PARVB: variants seen among roughly 807,000 people sequenced by gnomAD.
PARVB encodes beta-parvin.
In PARVB, 46 loss-of-function variants were observed where a neutral mutation model predicts 47.0. The ratio of observed to expected loss-of-function variants is 0.98; its 90% CI spans 0.77 to 1.25. The LOEUF (loss-of-function observed/expected upper bound fraction) is 1.25, where lower values mean the gene tolerates loss of function less well. Ranked by LOEUF, PARVB falls within the 50% of genes most tolerant of loss-of-function variation. PARVB has a pLI of 0.00. For missense variants in PARVB, 473 were observed against 471.6 expected, an observed-to-expected ratio of 1.00 and a Z score of -0.03; for synonymous variants, 196 against 196.3, an observed-to-expected ratio of 1.00 and a Z score of 0.01.
At chr22:44,112,107 G>A (rs2052712446) in intron 3 of PARVB, 1 of 152,170 alleles carries the variant, frequency 6.6e-6, no homozygotes, top group Admixed American at 6.5e-5. Flanking sequence ...TAAACTTGGT[G>A]TTGTCTCTCG....
intron 9 of PARVB, chr22:44,149,224 G>C (rs576953641): frequency 6.6e-6 from 1 of 152,222 alleles, no homozygotes. Context: ...ATTGAGAATG[G>C]TGTGGCCTGA....
At chr22:44,037,029 G>A (rs563887384) in intron 1 of PARVB, among the ~76,000 whole-genome samples, 2 of 151,020 alleles carry the variant, frequency 1.3e-5, no homozygotes, top group South Asian at 4.2e-4. Context: ...GAGGGTAAAA[G>A]TTAAAGGAAG....
At chr22:44,077,574 G>A (rs964482232) in intron 1 of PARVB, among the ~76,000 whole-genome samples, 3 of 152,302 alleles carry the variant, frequency 2.0e-5, no homozygotes, top group East Asian at 3.9e-4. Context: ...AGACAACACC[G>A]ATAAGGGTGA....
chr22:44,062,952 G>A (rs1249459269), intron 1 of PARVB, among the ~76,000 whole-genome samples: 1 of 152,160 alleles, frequency 6.6e-6, no homozygotes, highest in African/African-American at 2.4e-5. Flanking sequence ...GGGTGGGGTT[G>A]GGGGGTGTGG....
intron 4 of PARVB, 25 bp downstream of exon 4, chr22:44,119,165 T>G: frequency 2.9e-5 from 43 of 1,500,500 alleles, no homozygotes; most frequent in Non-Finnish European, 3.7e-5. Context: ...GGGACAGCTC[T>G]GTCCCACCCC....
intron 1 of PARVB, among the ~76,000 whole-genome samples, chr22:44,034,979 G>A (rs8139103): frequency 1.3e-5 from 2 of 151,786 alleles, no homozygotes; most frequent in Admixed American, 1.3e-4. Context: ...CCAAAGTACT[G>A]GTATTACAGG....
chr22:44,059,917 A>G (rs1396128854), intron 1 of PARVB, among the ~76,000 whole-genome samples: 2 of 152,032 alleles, frequency 1.3e-5, no homozygotes, highest in African/African-American at 4.8e-5. Flanking sequence ...CAGTTTCTCT[A>G]CCACGATGCT....
At chr22:44,129,496 C>T (rs1254256412) in intron 4 of PARVB, among the ~76,000 whole-genome samples, 1 of 152,226 alleles carries the variant, frequency 6.6e-6, no homozygotes, top group Non-Finnish European at 1.5e-5. Flanking sequence ...GGGGGCGCGT[C>T]AGGCTTCCCA....
rs1415337649 is a variant in PARVB at position 44,049,569 on chromosome 22, C to T, written c.112+25118C>T. 6.6e-6 allele frequency among the ~76,000 whole-genome samples: 1 copy of T among 152,224 alleles called. No homozygotes were observed. The highest frequency in any genetic ancestry group is 1.5e-5 in the Non-Finnish European group (1 of 68,036). ...CTCGAGGTCAATCAGATTCCTCCAG[C>T]GATAAAAGGCCTGCTGAGGAAGCGG... On this transcript the variant is annotated intron_variant, in intron 1 of 12. Transcript: ENST00000338758. This position sits in a 1 kb window ranked among gnomAD's most constrained non-coding sequence, Gnocchi z 4.0.
chr22:44,140,766 C>T (rs2053535562), intron 8 of PARVB: 1 of 340,506 alleles, frequency 2.9e-6, no homozygotes, highest in South Asian at 2.2e-5. Flanking sequence ...GGGGACAGCC[C>T]TCTATGTGGG....
intron 1 of PARVB, among the ~76,000 whole-genome samples, chr22:44,032,425 A>C (rs1323905413): frequency 6.6e-6 from 1 of 151,904 alleles, no homozygotes; most frequent in Non-Finnish European, 1.5e-5. Flanking sequence ...TTGGGGGCCC[A>C]TTTCTTCATT....
At chr22:44,167,804 G>A (rs2054202689) in intron 12 of PARVB, among the ~76,000 whole-genome samples, 1 of 152,206 alleles carries the variant, frequency 6.6e-6, no homozygotes, top group Admixed American at 6.5e-5. Context: ...GCACACTCGT[G>A]GGCAGGTCAT....
intron 3 of PARVB, chr22:44,113,081 A>G (rs62227675): frequency 5.7e-5 from 4 of 70,342 alleles, no homozygotes; most frequent in Non-Finnish European, 1.0e-4. Context: ...CCCTGCACCA[A>G]CACAGATACG....
intron 3 of PARVB, among the ~76,000 whole-genome samples, chr22:44,100,947 C>T (rs553433642): frequency 2.5e-4 from 38 of 152,170 alleles, no homozygotes; most frequent in African/African-American, 8.9e-4. Flanking sequence ...TTGAAAATGC[C>T]GATGGTGACA....
At chr22:44,124,150 A>G (rs1347203893) in intron 4 of PARVB, among the ~76,000 whole-genome samples, 2 of 152,212 alleles carry the variant, frequency 1.3e-5, no homozygotes, top group Non-Finnish European at 2.9e-5. Flanking sequence ...GGGACATGAA[A>G]GGGGGACAGA....
chr22:44,160,669 G>A (rs968050297), intron 11 of PARVB, among the ~76,000 whole-genome samples: 1 of 152,178 alleles, frequency 6.6e-6, no homozygotes, highest in Non-Finnish European at 1.5e-5. Flanking sequence ...GAGATAACAG[G>A]CATGGGAGGG....
rs150060751 is a variant in PARVB, at chr22:44,006,756, C to T, written c.211+7083C>T. On this transcript the variant is annotated intron_variant, in intron 2 of 13. Coordinates refer to the PARVB transcript ENST00000406477. The stretch of plus-strand genomic sequence containing the variant: ...GCACCCTCTAGGTTTGAACTCAGCA[C>T]ACTTCCATACCTTCAGCCCTCTCCT... Among the ~76,000 whole-genome samples the T allele has an allele frequency of 2.0e-5, 3 of 152,360 alleles. No individual in the cohort carries two copies. The East Asian group carries it at 5.8e-4, about 29-fold the overall frequency.
At chr22:44,096,229 AAAT>A (rs1225199295) in intron 2 of PARVB, among the ~76,000 whole-genome samples, 3 of 152,138 alleles carry the variant, frequency 2.0e-5, no homozygotes, top group Non-Finnish European at 2.9e-5. Flanking sequence ...CCATCTCATA[AAAT>A]AATAAAATAA....
At chr22:44,156,699 TTA>T (rs1454078623) in intron 10 of PARVB, among the ~76,000 whole-genome samples, 1 of 152,234 alleles carries the variant, frequency 6.6e-6, no homozygotes, top group Non-Finnish European at 1.5e-5. Flanking sequence ...ATGGTAAATG[TTA>T]TGGTATATTT....
Sources: gnomAD v4.1 joint callset for allele counts (sites outside exome capture counted in the v4.1 genomes callset) on GRCh38, gnomAD v4.1.1 for gene constraint, Gnocchi (gnomAD v3.1) non-coding constraint, MANE v1.5 for transcripts, NCBI Gene and HGNC (gene_info 2026-07-23, HGNC 2026-07-21) for gene names.